FOXP4: variants seen among roughly 807,000 people sequenced by gnomAD.
FOXP4 encodes the protein forkhead box protein P4.
FOXP4 carries 25 observed loss-of-function variants against 82.6 expected under a neutral mutation model. The ratio of observed to expected loss-of-function variants is 0.30; its 90% CI spans 0.22 to 0.42. The LOEUF is 0.42. FOXP4 is among the 10% of genes least tolerant of loss of function. FOXP4 has a pLI of 1.00. For missense variants in FOXP4, 785 were observed against 900.9 expected (o/e 0.87, Z 1.65); for synonymous variants, 415 against 388.2 (o/e 1.07, Z -0.81).
chr6:41,576,777 G>A (rs993847714), intron 2 of FOXP4, among the ~76,000 whole-genome samples: 1 of 152,178 alleles, frequency 6.6e-6, no homozygotes, highest in Non-Finnish European at 1.5e-5. Flanking sequence ...GAAGTGCAGA[G>A]AACTGGAATA....
chr6:41,568,048 A>C (rs192821084), intron 2 of FOXP4, among the ~76,000 whole-genome samples: 1,543 of 152,380 alleles, frequency 0.01, 11 homozygotes, highest in Non-Finnish European at 0.016. Flanking sequence ...AAAATGAAAT[A>C]GTCCATGGGC....
chr6:41,589,989 A>G lies in FOXP4; in HGVS notation c.1176A>G (p.Ser392=), dbSNP rs369852087. The G allele has an allele frequency of 3.2e-5, 51 of 1,613,302 alleles. No homozygotes were observed. Among genetic ancestry groups the G allele is most frequent in the Non-Finnish European group, 4.0e-5 (47 of 1,179,872 alleles). Residue 392 remains serine (S), a synonymous_variant, in exon 11 of 17, where the codon TCA becomes TCG. Coordinates refer to ENST00000307972, the MANE Select transcript of FOXP4 (RefSeq NM_001012426.2). ...TGAACCCGGTCCCCGGCTCCTCCTC[A>G]TTCTCCAAGGTGACCGTCTCTGCAG... is the stretch of plus-strand genomic sequence containing the variant. ...QPLNPVPGSS[S]FSKVTVSAAD... is the part of the protein sequence containing the mutation.
At chr6:41,588,611 C>G (rs746874092) in intron 8 of FOXP4, 33 bp from the exon 9 acceptor site, 2 of 1,609,710 alleles carry the variant, frequency 1.2e-6, no homozygotes, top group East Asian at 2.2e-5. Flanking sequence ...GAAACCGGAG[C>G]CAACTTTCTC....
intron 13 of FOXP4, 106 bp from the exon 14 acceptor site, chr6:41,594,764 G>T: frequency 6.6e-7 from 1 of 1,526,698 alleles, no homozygotes; most frequent in East Asian, 2.3e-5. Flanking sequence ...CCCTGAGCTG[G>T]GGAAGGTGGG....
At chr6:41,585,786 C>T (rs528195346) in intron 5 of FOXP4, among the ~76,000 whole-genome samples, 99 of 151,936 alleles carry the variant, frequency 6.5e-4, no homozygotes, top group African/African-American at 2.2e-3. Context: ...GTGTCACCCC[C>T]GTGTGTGGTG....
At chr6:41,557,081 C>T (rs773821832) in intron 1 of FOXP4, among the ~76,000 whole-genome samples, 3 of 152,216 alleles carry the variant, frequency 2.0e-5, no homozygotes, top group Non-Finnish European at 4.4e-5. Context: ...AACCCCAGTG[C>T]CCACTGTGCT....
rs939148127 is a variant in FOXP4, at chr6:41,591,177, C to A, written c.1435-44C>A. 6.5e-7 allele frequency: 1 copy of A among 1,533,350 alleles called. No individual in the cohort carries two copies. Among genetic ancestry groups the A allele is most frequent in the South Asian group, 1.2e-5 (1 of 84,872 alleles). The allele number at this position is 1,533,350 out of a possible 1,614,324, so 95.0% of individuals were successfully genotyped here. A position where few individuals can be genotyped will look rare whatever the true frequency, so the allele number is the denominator to read the frequency against. ...GAGGGAACCCAGGGCTGTGACCCTT[C>A]GAGGCCCAGGCTGACGGTCCCTTTG... On this transcript the variant is annotated intron_variant, in intron 12 of 16. Transcript: ENST00000307972. This position sits in a 1 kb window ranked among gnomAD's most constrained non-coding sequence, Gnocchi z 4.2.
chr6:41,599,380 A>T lies in FOXP4; in HGVS notation c.*444A>T. The T allele has an allele frequency of 6.3e-6, 1 of 158,376 alleles. No individual in the cohort carries two copies. Among genetic ancestry groups the T allele is most frequent in the South Asian group, 1.8e-4 (1 of 5,432 alleles). The allele number at this position is 158,376 out of a possible 1,614,324, so 9.8% of individuals were successfully genotyped here. On this transcript the variant is annotated 3_prime_UTR_variant, in exon 17 of 17. Transcript: ENST00000307972. ...CTGGCCAGAGGCCCCCACTTTCCTA[A>T]CTCGTGCTCCCTTCCGCCTTCTTTT... is the stretch of plus-strand genomic sequence containing the variant.
chr6:41,581,246 G>A (rs1765783871), intron 3 of FOXP4, among the ~76,000 whole-genome samples: 2 of 152,152 alleles, frequency 1.3e-5, no homozygotes, highest in South Asian at 4.1e-4. Context: ...CCACTCACAG[G>A]GACCCCATAC....
At chr6:41,556,275 G>T (rs11757960) in intron 1 of FOXP4, among the ~76,000 whole-genome samples, 5,824 of 151,984 alleles carry the variant, frequency 0.038, 166 homozygotes, top group South Asian at 0.073. Flanking sequence ...TTGCATGGGG[G>T]AGAGAGGAGG....
chr6:41,554,237 A>T (rs971376802), intron 1 of FOXP4, among the ~76,000 whole-genome samples: 2 of 152,190 alleles, frequency 1.3e-5, no homozygotes, highest in African/African-American at 4.8e-5. Context: ...TGCTGGCCAT[A>T]AGGGCTGAGG....
intron 1 of FOXP4, among the ~76,000 whole-genome samples, chr6:41,560,441 G>C (rs893129274): frequency 6.6e-6 from 1 of 152,188 alleles, no homozygotes; most frequent in African/African-American, 2.4e-5. Context: ...AATTCCAACC[G>C]CCACCATTGC....
rs369113219 is a variant in FOXP4, at chr6:41,587,944, G to T, written c.977+47G>T. The T allele has an allele frequency of 1.1e-5, 12 of 1,044,182 alleles. No homozygotes were observed. The African/African-American group carries it at 1.9e-4, about 16-fold the overall frequency. 64.7% of individuals were successfully genotyped at this position (1,044,182 alleles called of 1,614,324 possible). A position where few individuals can be genotyped will look rare whatever the true frequency, so the allele number is the denominator to read the frequency against. ...TCCCCCAGCAGCCTTTCCCCACAGGGCCTCTCCCCCAACCCTGCCCACTAG... is the reference window on the plus strand; with the variant it reads ...TCCCCCAGCAGCCTTTCCCCACAGGTCCTCTCCCCCAACCCTGCCCACTAG... On this transcript the variant is annotated intron_variant, in intron 8 of 16. Transcript: ENST00000307972.
At chr6:41,587,278 C>A in intron 6 of FOXP4, 21 bp from the exon 7 acceptor site, 1 of 1,610,936 alleles carries the variant, frequency 6.2e-7, no homozygotes, top group Non-Finnish European at 8.5e-7. Flanking sequence ...GCCCTGCCAG[C>A]CTCCCCTGTC....
At chr6:41,572,264 TTG>T (rs1765241339) in intron 2 of FOXP4, among the ~76,000 whole-genome samples, 1 of 152,046 alleles carries the variant, frequency 6.6e-6, no homozygotes, top group East Asian at 2.0e-4. Context: ...CCTCCTGATG[TTG>T]TGTCTCCTCA....
At chr6:41,598,740 G>A (rs1767034496) in intron 16 of FOXP4, 49 bp from the exon 17 acceptor site, 1 of 1,548,458 alleles carries the variant, frequency 6.5e-7, no homozygotes, top group Admixed American at 2.0e-5. Context: ...AGGGGGCAGA[G>A]GGCATCAGAG....
intron 2 of FOXP4, among the ~76,000 whole-genome samples, chr6:41,576,060 C>CA (rs2127371567): frequency 6.6e-6 from 1 of 151,494 alleles, no homozygotes; most frequent in African/African-American, 2.4e-5. Flanking sequence ...CCCCCCCCCC[C>CA]ACCCTTCCTC....
chr6:41,597,185 C>G lies in FOXP4; in HGVS notation c.1668C>G (p.Thr556=). Residue 556 remains threonine (T), a synonymous_variant, in exon 15 of 17, where the codon ACC becomes ACG. Transcript: ENST00000307972. ...RRPPKMTGSP[T]LVKNMISGLS... ...CTTCTCTGTCCTCCAGGAGCCCCAC[C>G]CTGGTGAAGAACATGATCTCTGGCC... 6.2e-7 allele frequency: 1 copy of G among 1,614,196 alleles called. No individual in the cohort carries two copies. The highest frequency in any genetic ancestry group is 8.5e-7 in the Non-Finnish European group (1 of 1,180,026).
intron 3 of FOXP4, among the ~76,000 whole-genome samples, chr6:41,583,868 G>A (rs1227442556): frequency 6.6e-6 from 1 of 152,214 alleles, no homozygotes; most frequent in South Asian, 2.1e-4. Context: ...GCCTTCTATA[G>A]AGGCCTGACC....
Sources: allele counts gnomAD v4.1 joint callset (sites outside exome capture counted in the v4.1 genomes callset), GRCh38; gene constraint gnomAD v4.1.1; non-coding constraint Gnocchi (gnomAD v3.1); transcripts MANE v1.5; gene names NCBI Gene and HGNC (gene_info 2026-07-23, HGNC 2026-07-21).